PPP1R36: variants seen among roughly 807,000 people sequenced by gnomAD.
The protein encoded by PPP1R36 is chromosome 14 open reading frame 50.
Under a neutral mutation model 53.4 loss-of-function variants are expected in PPP1R36, and 47 were observed. The observed-to-expected ratio is 0.88, with a 90% CI of 0.70 to 1.12. The LOEUF (loss-of-function observed/expected upper bound fraction) is 1.12. PPP1R36 is among the 50% of genes most tolerant of loss of function. The pLI is 0.00. For synonymous variants in PPP1R36, 153 were observed against 170.5 expected (o/e 0.90, Z 0.80); for missense variants, 456 against 513.9 (o/e 0.89, Z 1.09).
chr14:64,556,761 A>AGTGTGTGT (rs1566648715), intron 3 of PPP1R36, among the ~76,000 whole-genome samples: 1 of 42,548 alleles, frequency 2.4e-5, no homozygotes, highest in African/African-American at 6.2e-5. Context: ...ATCTCCAAAA[A>AGTGTGTGT]ATGTGTGTGT....
intron 6 of PPP1R36, among the ~76,000 whole-genome samples, chr14:64,567,735 C>G (rs921361004): frequency 6.6e-6 from 1 of 152,110 alleles, no homozygotes; most frequent in African/African-American, 2.4e-5. Context: ...AATCTCAGCT[C>G]ATTGCAACCT....
Position 64,587,297 on chromosome 14 carries a change from T to A in PPP1R36, c.815T>A (p.Phe272Tyr). 2.5e-6 allele frequency: 4 copies of A among 1,613,870 alleles called. No homozygotes were observed. Among genetic ancestry groups the A allele is most frequent in the Non-Finnish European group, 2.5e-6 (3 of 1,179,812 alleles). ...EVGRLFRTNMFNIPRRRREDE... is the reference protein window; with the variant it reads ...EVGRLFRTNMYNIPRRRREDE... ...GGGAGACTCTTTCGTACCAATATGT[T>A]CAACATTCCTCGCAGGAGGCGTGAA... The change falls in exon 10 of 12, where the codon TTC (phenylalanine) becomes TAC (tyrosine). Residue 272 changes from phenylalanine to tyrosine, a missense_variant. Physicochemically the swap from Phe to Tyr is conservative, Grantham distance 22 (BLOSUM62 3). Transcript: ENST00000298705.
At chr14:64,556,403 T>C (rs915517748) in intron 3 of PPP1R36, among the ~76,000 whole-genome samples, 1 of 151,896 alleles carries the variant, frequency 6.6e-6, no homozygotes, top group Non-Finnish European at 1.5e-5. Context: ...GTACCCTGCC[T>C]TGCAGGTTTG....
intron 8 of PPP1R36, among the ~76,000 whole-genome samples, chr14:64,583,410 G>A (rs1189827222): frequency 1.3e-5 from 2 of 152,038 alleles, no homozygotes; most frequent in African/African-American, 2.4e-5. Flanking sequence ...TTTCCTGGAC[G>A]CATTTCTATT....
At chr14:64,589,004 A>G (rs747807232) in intron 11 of PPP1R36, 148 bp from the exon 12 acceptor site, 11 of 566,380 alleles carry the variant, frequency 1.9e-5, no homozygotes, top group Non-Finnish European at 3.3e-5. Context: ...GGAAACAGGG[A>G]AAGTTTTTAA....
intron 5 of PPP1R36, 33 bp downstream of exon 5, chr14:64,565,487 A>C (rs772025650): frequency 1.5e-5 from 22 of 1,514,844 alleles, no homozygotes; most frequent in Non-Finnish European, 2.0e-5. Flanking sequence ...ATACATAAAC[A>C]TACATCTGTA....
At chr14:64,570,124 G>A (rs144716577) in intron 7 of PPP1R36, among the ~76,000 whole-genome samples, 24 of 152,254 alleles carry the variant, frequency 1.6e-4, no homozygotes, top group African/African-American at 4.8e-4. Flanking sequence ...GTGGTATAAG[G>A]TAGACTGTTC....
At chr14:64,587,443 T>C (rs1314953043) in intron 10 of PPP1R36, 71 bp downstream of exon 10, 2 of 720,186 alleles carry the variant, frequency 2.8e-6, no homozygotes, top group African/African-American at 1.9e-5. Flanking sequence ...CTTTTCTTTT[T>C]TCTCCTTTTT....
intron 8 of PPP1R36, among the ~76,000 whole-genome samples, chr14:64,584,518 C>G (rs2080415718): frequency 6.6e-6 from 1 of 152,170 alleles, no homozygotes; most frequent in Non-Finnish European, 1.5e-5. Flanking sequence ...CAGGTGGAGG[C>G]CTCAGGTGGC....
intron 8 of PPP1R36, 178 bp from the exon 9 acceptor site, chr14:64,586,659 A>T: frequency 2.0e-6 from 1 of 505,972 alleles, no homozygotes; most frequent in East Asian, 3.1e-5. Context: ...TGGGTAACGT[A>T]GGAGGTTGAA....
intron 8 of PPP1R36, chr14:64,586,636 A>C: frequency 4.5e-6 from 2 of 442,464 alleles, no homozygotes; most frequent in Non-Finnish European, 4.0e-6. Flanking sequence ...TTACCATTCT[A>C]GGAGTTTTGA....
chr14:64,586,521 C>A (rs753232261), intron 8 of PPP1R36: 2 of 235,146 alleles, frequency 8.5e-6, no homozygotes, highest in Non-Finnish European at 1.6e-5. Context: ...CTCTTTACCA[C>A]CTTTCCACTC....
intron 3 of PPP1R36, chr14:64,559,404 G>A (rs1379519349): frequency 6.6e-6 from 1 of 152,380 alleles, no homozygotes; most frequent in East Asian, 1.9e-4. Context: ...TGGGCACCAG[G>A]GCTGAGGAAA....
rs545671774 is a variant in PPP1R36, at chr14:64,577,526, A to AGGGTC, written c.668+2938_668+2942dup. On this transcript the variant is annotated intron_variant, in intron 8 of 11. Transcript: ENST00000298705. ...GACCCTCCTGCCTTTCCTCTCTCAC[A>AGGGTC]GGGTCAGACATGCATTGAGGTGTGA... Among the ~76,000 whole-genome samples the AGGGTC allele has an allele frequency of 4.7e-4, 72 of 152,040 alleles. 1 individual carries two copies. Among genetic ancestry groups the AGGGTC allele is most frequent in the African/African-American group, 1.6e-3 (68 of 41,468 alleles).
At chr14:64,558,045 A>G (rs975748288) in intron 3 of PPP1R36, among the ~76,000 whole-genome samples, 1 of 152,158 alleles carries the variant, frequency 6.6e-6, no homozygotes, top group African/African-American at 2.4e-5. Context: ...ACCCTGATAC[A>G]GATAGGCCTC....
intron 8 of PPP1R36, among the ~76,000 whole-genome samples, chr14:64,585,243 C>A (rs1020371963): frequency 2.0e-5 from 3 of 152,228 alleles, no homozygotes; most frequent in African/African-American, 7.2e-5. Context: ...AGGCCGGGCA[C>A]CTTGGCTCAC....
intron 3 of PPP1R36, 108 bp downstream of exon 3, chr14:64,552,969 G>A: frequency 9.4e-7 from 1 of 1,061,136 alleles, no homozygotes; most frequent in South Asian, 1.4e-5. Context: ...TAAATATTAA[G>A]TGCCAATTTT....
intron 8 of PPP1R36, chr14:64,586,553 A>C: frequency 3.5e-6 from 1 of 284,712 alleles, no homozygotes; most frequent in South Asian, 1.2e-4. Flanking sequence ...CCAACACTCA[A>C]ATTACCAGAA....
chr14:64,585,194 C>G (rs2080421183), intron 8 of PPP1R36, among the ~76,000 whole-genome samples: 1 of 152,152 alleles, frequency 6.6e-6, no homozygotes, highest in Admixed American at 6.5e-5. Flanking sequence ...TCCTCAGAGT[C>G]ACAGTTCCTC....
Sources: allele counts gnomAD v4.1 joint callset (sites outside exome capture counted in the v4.1 genomes callset), GRCh38; gene constraint gnomAD v4.1.1; transcripts MANE v1.5; gene names NCBI Gene and HGNC (gene_info 2026-07-23, HGNC 2026-07-21).